Variants in KCNIP4 observed in about 807,000 individuals in gnomAD.
KCNIP4 encodes the protein Kv channel-interacting protein 4.
KCNIP4 carries 12 observed loss-of-function variants against 34.0 expected under a neutral mutation model. The observed-to-expected ratio is 0.35, with a 90% CI of 0.23 to 0.57. KCNIP4 has a LOEUF of 0.57. KCNIP4 is among the 20% of genes least tolerant of loss of function. KCNIP4 has a pLI of 0.83. For synonymous variants in KCNIP4, 124 were observed against 102.2 expected, an observed-to-expected ratio of 1.21 and a Z score of -1.29; for missense variants, 238 against 311.7, an observed-to-expected ratio of 0.76 and a Z score of 1.78.
intron 1 of KCNIP4, among the ~76,000 whole-genome samples, chr4:21,593,736 G>A (rs1339736488): frequency 2.0e-5 from 3 of 152,036 alleles, no homozygotes; most frequent in African/African-American, 7.2e-5. Flanking sequence ...GCCCTTAAGT[G>A]CACCTATACC....
At chr4:21,875,661 G>T (rs963750221) in intron 1 of KCNIP4, among the ~76,000 whole-genome samples, 2 of 152,106 alleles carry the variant, frequency 1.3e-5, no homozygotes, top group South Asian at 4.1e-4. Flanking sequence ...ACTGAGAGAA[G>T]AACATTGTAT....
chr4:21,542,242 G>A (rs1737770022), intron 1 of KCNIP4, among the ~76,000 whole-genome samples: 3 of 152,156 alleles, frequency 2.0e-5, no homozygotes, highest in African/African-American at 7.2e-5. Context: ...CGACCCAAAA[G>A]TGAAATGAGC....
At chr4:20,874,249 A>C (rs930164779) in intron 2 of KCNIP4, among the ~76,000 whole-genome samples, 5 of 152,214 alleles carry the variant, frequency 3.3e-5, no homozygotes, top group African/African-American at 9.6e-5. Flanking sequence ...TCACAGAATG[A>C]GGATTTGAAC....
chr4:21,900,612 T>C (rs1331514697), intron 1 of KCNIP4, among the ~76,000 whole-genome samples: 1 of 152,240 alleles, frequency 6.6e-6, no homozygotes, highest in Non-Finnish European at 1.5e-5. Context: ...AAATATGTCA[T>C]TTTTCAAACT....
At chr4:21,271,661 C>G (rs2109136251) in intron 1 of KCNIP4, among the ~76,000 whole-genome samples, 1 of 152,182 alleles carries the variant, frequency 6.6e-6, no homozygotes, top group East Asian at 1.9e-4. Flanking sequence ...TAATCACCCC[C>G]AGGTGCTTTG....
chr4:20,818,771 G>A (rs934234103), intron 3 of KCNIP4, among the ~76,000 whole-genome samples: 1 of 151,990 alleles, frequency 6.6e-6, no homozygotes, highest in African/African-American at 2.4e-5. Flanking sequence ...TTCAAAATAA[G>A]ATTCAGAATT....
At chr4:21,187,010 G>A (rs1321924371) in intron 1 of KCNIP4, among the ~76,000 whole-genome samples, 1 of 152,102 alleles carries the variant, frequency 6.6e-6, no homozygotes, top group Admixed American at 6.6e-5. Flanking sequence ...CTATTTTAGG[G>A]TAGCATGAGC....
intron 1 of KCNIP4, among the ~76,000 whole-genome samples, chr4:21,891,650 T>C (rs1727101204): frequency 6.6e-6 from 1 of 152,118 alleles, no homozygotes; most frequent in Non-Finnish European, 1.5e-5. Flanking sequence ...AAACAATTAA[T>C]TCATTAATCA....
At chr4:21,534,273 GTT>G (rs1736971261) in intron 1 of KCNIP4, among the ~76,000 whole-genome samples, 1 of 152,134 alleles carries the variant, frequency 6.6e-6, no homozygotes, top group African/African-American at 2.4e-5. Flanking sequence ...GGAGATCGAT[GTT>G]GTCTTTACAG....
At chr4:20,845,915 G>A (rs1720311580) in intron 3 of KCNIP4, among the ~76,000 whole-genome samples, 1 of 152,122 alleles carries the variant, frequency 6.6e-6, no homozygotes, top group South Asian at 2.1e-4. Context: ...TCTAACTGTG[G>A]CCTCATGAAA....
At chr4:21,401,507 C>G (rs892785215) in intron 1 of KCNIP4, among the ~76,000 whole-genome samples, 7 of 152,092 alleles carry the variant, frequency 4.6e-5, no homozygotes, top group African/African-American at 1.4e-4. Context: ...TTAATTTGCC[C>G]ATGTTGAATG....
At chr4:20,730,941 C>A (rs1747976685) in intron 8 of KCNIP4, among the ~76,000 whole-genome samples, 2 of 152,280 alleles carry the variant, frequency 1.3e-5, no homozygotes, top group Admixed American at 6.5e-5. Flanking sequence ...CAAATTAATT[C>A]TCTCAAAGAC....
intron 1 of KCNIP4, among the ~76,000 whole-genome samples, chr4:21,922,948 A>G (rs1242777042): frequency 6.6e-6 from 1 of 152,228 alleles, no homozygotes; most frequent in East Asian, 1.9e-4. Flanking sequence ...GTCAAGTTTT[A>G]CTGAATTCAA....
intron 3 of KCNIP4, among the ~76,000 whole-genome samples, chr4:20,793,528 ATACTT>A (rs1203833908): frequency 6.6e-6 from 1 of 152,140 alleles, no homozygotes; most frequent in Non-Finnish European, 1.5e-5. Context: ...TTCAAGGTGT[ATACTT>A]TAAAGATGTG....
Position 21,390,001 on chromosome 4 carries a change from C to CGG in KCNIP4, c.62-507293_62-507292insCC, listed in dbSNP as rs1288691098. Among the ~76,000 whole-genome samples the CGG allele has an allele frequency of 1.8e-3, 237 of 134,942 alleles. 4 individuals carry two copies. The highest frequency in any genetic ancestry group is 2.1e-3 in the Non-Finnish European group (126 of 60,452). 88.5% of individuals were successfully genotyped at this position (134,942 alleles called of 152,430 possible). A position where few individuals can be genotyped will look rare whatever the true frequency, so the allele number is the denominator to read the frequency against. ...TTTTTAATGATTGCCCTTCTAACTA[C>CGG]TGTGAGATGGTATCTCATTGTGGTT... On this transcript the variant is annotated intron_variant, in intron 1 of 8. Coordinates refer to ENST00000382152, the MANE Select transcript of KCNIP4 (RefSeq NM_025221.6).
intron 1 of KCNIP4, among the ~76,000 whole-genome samples, chr4:21,204,659 A>T (rs749749505): frequency 3.3e-5 from 5 of 152,364 alleles, no homozygotes; most frequent in African/African-American, 1.2e-4. Flanking sequence ...ATGAAAACTG[A>T]TCTCTTTAGA....
intron 1 of KCNIP4, among the ~76,000 whole-genome samples, chr4:21,001,476 C>T (rs1019558751): frequency 1.3e-5 from 2 of 152,102 alleles, no homozygotes; most frequent in Non-Finnish European, 2.9e-5. Context: ...TTGAACTGGG[C>T]GAGGCTGAAT....
chr4:21,100,278 C>T (rs570514321), intron 1 of KCNIP4, among the ~76,000 whole-genome samples: 7 of 152,220 alleles, frequency 4.6e-5, no homozygotes, highest in Admixed American at 6.5e-5. Flanking sequence ...TGGCTGGGCA[C>T]GGTGGCTCAC....
chr4:21,903,323 A>T (rs1378976791), intron 1 of KCNIP4, among the ~76,000 whole-genome samples: 2 of 152,180 alleles, frequency 1.3e-5, no homozygotes, highest in Non-Finnish European at 2.9e-5. Context: ...AATAGGAATG[A>T]TAAATAACAA....
Sources: allele counts gnomAD v4.1 joint callset (sites outside exome capture counted in the v4.1 genomes callset), GRCh38; gene constraint gnomAD v4.1.1; transcripts MANE v1.5; gene names NCBI Gene and HGNC (gene_info 2026-07-23, HGNC 2026-07-21).